Variants in AP3B2 observed in about 807,000 individuals in gnomAD.
AP3B2 encodes the protein AP-3 complex subunit beta-2.
A neutral mutation model predicts 126.9 loss-of-function variants in AP3B2; 50 were observed. The ratio of observed to expected loss-of-function variants is 0.39; its 90% CI spans 0.31 to 0.50. The LOEUF is 0.50. AP3B2 is among the 20% of genes least tolerant of loss of function. The pLI is 0.79. For synonymous variants in AP3B2, 541 were observed against 565.0 expected, an observed-to-expected ratio of 0.96 and a Z score of 0.60; for missense variants, 1,177 against 1,426.4, an observed-to-expected ratio of 0.83 and a Z score of 2.82.
intron 1 of AP3B2, chr15:82,699,634 C>A (rs1211872483): frequency 2.5e-6 from 1 of 400,188 alleles, no homozygotes. Context: ...TCCTCTATAC[C>A]GTAGTGGCTG....
At chr15:82,675,166 T>C (rs1286974329) in intron 14 of AP3B2, among the ~76,000 whole-genome samples, 1 of 152,072 alleles carries the variant, frequency 6.6e-6, no homozygotes. Context: ...CCCCTCTAAC[T>C]TCTCTCTCTC....
In AP3B2 at chr15:82,679,814, G is replaced by A. The variant is rs2048303284; in HGVS notation, c.1111-14C>T. On this transcript the variant is annotated splice_polypyrimidine_tract_variant and intron_variant, in intron 9 of 26. Transcript: ENST00000535359. ...CTCAAACATACCCTGGCACAAGAGA[G>A]GCAGCTAGGGAGCTCCACCGAAGCC... The A allele has an allele frequency of 1.9e-6, 3 of 1,613,056 alleles. No homozygotes were observed. The highest frequency in any genetic ancestry group is 2.5e-6 in the Non-Finnish European group (3 of 1,179,130).
At chr15:82,706,352 A>T (rs1208849207) in intron 1 of AP3B2, among the ~76,000 whole-genome samples, 1 of 152,100 alleles carries the variant, frequency 6.6e-6, no homozygotes, top group Non-Finnish European at 1.5e-5. Context: ...TGCCTTCCAT[A>T]TCCTGTACCT....
At chr15:82,670,496 T>C (rs969166691) in intron 14 of AP3B2, among the ~76,000 whole-genome samples, 1 of 152,116 alleles carries the variant, frequency 6.6e-6, no homozygotes, top group East Asian at 1.9e-4. Flanking sequence ...AAACGGGATA[T>C]CCACATGCAG....
intron 1 of AP3B2, among the ~76,000 whole-genome samples, chr15:82,691,302 T>A (rs1166763732): frequency 6.6e-6 from 1 of 152,226 alleles, no homozygotes; most frequent in Non-Finnish European, 1.5e-5. Flanking sequence ...ATTGCCATTC[T>A]AACTGGTGTG....
chr15:82,701,293 C>G (rs1161097205), intron 1 of AP3B2, among the ~76,000 whole-genome samples: 1 of 152,172 alleles, frequency 6.6e-6, no homozygotes, highest in Non-Finnish European at 1.5e-5. Flanking sequence ...TTCTGTACTT[C>G]CTTTCTTCCC....
chr15:82,662,440 T>C (rs962397649), intron 23 of AP3B2, 188 bp from the exon 24 acceptor site: 10 of 646,544 alleles, frequency 1.5e-5, no homozygotes, highest in Admixed American at 2.8e-5. Context: ...TTTCCCCCAC[T>C]CACCCTCACC....
intron 14 of AP3B2, 141 bp downstream of exon 14, chr15:82,676,320 G>A: frequency 1.2e-6 from 1 of 836,770 alleles, no homozygotes; most frequent in Non-Finnish European, 1.8e-6. Context: ...TTGGTTATGT[G>A]GGCAGACCAG....
Position 82,663,619 on chromosome 15 carries a change from G to A in AP3B2, c.2438C>T (p.Pro813Leu). ...LEPASWSRKT[P>L]PSSKSAPATK... is the part of the protein sequence containing the mutation. ...TGCAGGAGCACTTTTGCTGCTGGGA[G>A]GCTGAAAGAGAAAAATGGGATGTGG... The change falls in exon 21 of 27, where the codon CCT becomes CTT. Residue 813 changes from proline to leucine, a missense_variant and splice_region_variant. Physicochemically the swap from Pro to Leu is moderately conservative, Grantham distance 98 (BLOSUM62 -3). This residue lies in a region of AP3B2 where 587 missense variants were observed against 571.3 expected (regional missense o/e 1.03). Coordinates refer to ENST00000535359, the MANE Select transcript of AP3B2 (RefSeq NM_001278512.2). The A allele has an allele frequency of 1.2e-6, 2 of 1,613,924 alleles. No homozygotes were observed. The highest frequency in any genetic ancestry group is 1.7e-6 in the Non-Finnish European group (2 of 1,179,848).
Position 82,665,687 on chromosome 15 carries a change from G to A in AP3B2, c.1853-112C>T. The stretch of plus-strand genomic sequence containing the variant: ...CTGGTTGGGACTTCCCAGGTGGGTA[G>A]GGGAAGGAGATGGATGTGTGCCCTA... On this transcript the variant is annotated intron_variant, in intron 15 of 26. Coordinates refer to ENST00000535359, the MANE Select transcript of AP3B2 (RefSeq NM_001278512.2). The surrounding 1 kb of genome is among the most constrained non-coding windows in gnomAD (Gnocchi z 4.4). 1.3e-6 allele frequency: 1 copy of A among 787,650 alleles called. No homozygotes were observed. Among genetic ancestry groups the A allele is most frequent in the Non-Finnish European group, 2.1e-6 (1 of 467,484 alleles). 48.8% of individuals were successfully genotyped at this position (787,650 alleles called of 1,614,324 possible).
At chr15:82,699,125 C>A in intron 1 of AP3B2, 1 of 152,968 alleles carries the variant, frequency 6.5e-6, no homozygotes, top group Non-Finnish European at 1.5e-5. Flanking sequence ...TGACCTGACC[C>A]CTAGTCTGAC....
rs879495289 is a variant in AP3B2 at position 82,667,013 on chromosome 15, C to A, written c.1666-80G>T. On this transcript the variant is annotated intron_variant, in intron 14 of 26. Transcript: ENST00000535359. The stretch of plus-strand genomic sequence containing the variant: ...CTCAGAAACAGATTCTTTAAGCCGA[C>A]ACTTTCAGGCAGAACGTCTCCTCTC... 2.8e-6 allele frequency: 4 copies of A among 1,419,176 alleles called. No homozygotes were observed. The African/African-American group carries it at 5.7e-5, about 20-fold the overall frequency. 87.9% of individuals were successfully genotyped at this position (1,419,176 alleles called of 1,614,324 possible).
rs1446589510 is a variant in AP3B2, at chr15:82,663,636, G to A, written c.2437-16C>T. On this transcript the variant is annotated splice_polypyrimidine_tract_variant and intron_variant, in intron 20 of 26. Transcript: ENST00000535359. ...TGCTGGGAGGCTGAAAGAGAAAAAT[G>A]GGATGTGGGTGTGGGGAAGGGGAGC... 3 of 1,613,838 alleles carry A rather than the reference G, an allele frequency of 1.9e-6. No homozygotes were observed. Among genetic ancestry groups the A allele is most frequent in the Admixed American group, 1.7e-5 (1 of 60,014 alleles).
intron 3 of AP3B2, 144 bp downstream of exon 3, chr15:82,689,013 AT>A: frequency 9.5e-7 from 1 of 1,052,264 alleles, no homozygotes; most frequent in Non-Finnish European, 1.4e-6. Flanking sequence ...GTTCAGGGAC[AT>A]GGAGACAGTG....
At chr15:82,691,120 T>C (rs2048524576) in intron 1 of AP3B2, among the ~76,000 whole-genome samples, 1 of 152,228 alleles carries the variant, frequency 6.6e-6, no homozygotes. Flanking sequence ...TTTGGGTATA[T>C]ACCCAATAAC....
Position 82,659,914 on chromosome 15 carries a change from A to G in AP3B2, c.3086T>C (p.Ile1029Thr), listed in dbSNP as rs754316016. ...AGTGGCAGTCACTTTCTGCACCACAATGTGGTCACTCCGACAGGTGTCTGG... is the reference window on the plus strand; with the variant it reads ...AGTGGCAGTCACTTTCTGCACCACAGTGTGGTCACTCCGACAGGTGTCTGG... ...MLPDTCRSDH[I>T]VVQKVTATAN... The change falls in exon 26 of 27, where the codon ATT becomes ACT. Residue 1029 changes from isoleucine to threonine, a missense_variant. Around this residue, in one of 5 missense-constraint regions of AP3B2, gnomAD observed 587 missense variants for 571.3 expected, o/e 1.03. Coordinates refer to ENST00000535359, the MANE Select transcript of AP3B2 (RefSeq NM_001278512.2). 1.2e-5 allele frequency: 19 copies of G among 1,613,752 alleles called. No homozygotes were observed. The highest frequency in any genetic ancestry group is 5.0e-5 in the Admixed American group (3 of 59,992).
At chr15:82,676,045 C>T (rs2048236887) in intron 14 of AP3B2, among the ~76,000 whole-genome samples, 1 of 152,078 alleles carries the variant, frequency 6.6e-6, no homozygotes, top group East Asian at 1.9e-4. Context: ...AGACTCACCC[C>T]CTTATCTTTG....
At chr15:82,691,570 C>T (rs2048532777) in intron 1 of AP3B2, among the ~76,000 whole-genome samples, 1 of 151,470 alleles carries the variant, frequency 6.6e-6, no homozygotes, top group Admixed American at 6.6e-5. Flanking sequence ...TAATATGGCC[C>T]TGGTAGAAAG....
chr15:82,663,999 T>C, intron 19 of AP3B2, 24 bp from the exon 20 acceptor site: 1 of 1,595,682 alleles, frequency 6.3e-7, no homozygotes, highest in Non-Finnish European at 8.5e-7. Context: ...AAAGGTTGGC[T>C]CAGGCCTGGC....
Sources: gnomAD v4.1 joint callset for allele counts (sites outside exome capture counted in the v4.1 genomes callset) on GRCh38, gnomAD v4.1.1 for gene constraint, gnomAD v4.1.1 regional missense constraint, Gnocchi (gnomAD v3.1) non-coding constraint, MANE v1.5 for transcripts, NCBI Gene and HGNC (gene_info 2026-07-23, HGNC 2026-07-21) for gene names.